MNAT1: variants seen among roughly 807,000 people sequenced by gnomAD.
The protein encoded by MNAT1 is MNAT1 component of CDK activating kinase, also known as CDK-activating kinase assembly factor MAT1.
A neutral mutation model predicts 42.0 loss-of-function variants in MNAT1; 43 were observed. That is an observed-to-expected ratio of 1.02 (90% CI 0.80 to 1.32). MNAT1 has a LOEUF of 1.32. Ranked by LOEUF, MNAT1 falls within the 40% of genes most tolerant of loss-of-function variation. The pLI is 0.00. For missense variants in MNAT1, 306 were observed against 350.4 expected (o/e 0.87, Z 1.01); for synonymous variants, 118 against 120.0 (o/e 0.98, Z 0.11).
intron 1 of MNAT1, among the ~76,000 whole-genome samples, chr14:60,795,500 G>A (rs2031985318): frequency 6.6e-6 from 1 of 152,186 alleles, no homozygotes. Context: ...TGCACTACCA[G>A]AAAAGGGGAT....
chr14:60,898,177 A>G (rs548297289), intron 7 of MNAT1, among the ~76,000 whole-genome samples: 3 of 151,404 alleles, frequency 2.0e-5, no homozygotes, highest in East Asian at 3.9e-4. Context: ...TTGTCCATAG[A>G]TGGATACTTA....
Position 60,924,383 on chromosome 14 carries a change from TAA to T in MNAT1, c.810-43828_810-43827del, listed in dbSNP as rs5809071. Reference sequence around the variant, plus strand: ...GAGCTTTTCAAATTCAGTGCCTGTTTAAAAAAAAAAAAAAAAAAACTGTACTC... The same window carrying T: ...GAGCTTTTCAAATTCAGTGCCTGTTTAAAAAAAAAAAAAAAAACTGTACTC... On this transcript the variant is annotated intron_variant, in intron 7 of 7. Coordinates refer to ENST00000261245, the MANE Select transcript of MNAT1 (RefSeq NM_002431.4). Among the ~76,000 whole-genome samples, 384 of 130,232 alleles carry T rather than the reference TAA, an allele frequency of 2.9e-3. 1 individual carries two copies. Among genetic ancestry groups the T allele is most frequent in the East Asian group, 0.022 (103 of 4,588 alleles). The allele number at this position is 130,232 out of a possible 152,430, so 85.4% of individuals were successfully genotyped here.
intron 7 of MNAT1, among the ~76,000 whole-genome samples, chr14:60,946,868 A>G (rs940629779): frequency 3.9e-5 from 6 of 152,210 alleles, no homozygotes; most frequent in Admixed American, 2.6e-4. Context: ...GGCTTAAACA[A>G]TAGAAGTCTA....
rs1306400327 is a variant in MNAT1, at chr14:60,857,352, A to T, written c.688-22362A>T. Among the ~76,000 whole-genome samples, 757 of 152,320 alleles carry T rather than the reference A, an allele frequency of 5.0e-3. 10 individuals are homozygous for T. Among genetic ancestry groups the T allele is most frequent in the African/African-American group, 0.016 (681 of 41,574 alleles). On this transcript the variant is annotated intron_variant, in intron 6 of 7. Transcript: ENST00000261245. ...AAGAGGTAACTGCAGATGTGGTAGA[A>T]ACAATAAGAGAACTAGAATTAGCAG...
intron 7 of MNAT1, among the ~76,000 whole-genome samples, chr14:60,896,666 T>C (rs2034962901): frequency 6.6e-6 from 1 of 152,074 alleles, no homozygotes. Context: ...TTTGTATTTT[T>C]AGTAGAGACG....
chr14:60,854,076 C>T (rs1024650236), intron 6 of MNAT1, among the ~76,000 whole-genome samples: 20 of 152,170 alleles, frequency 1.3e-4, no homozygotes, highest in South Asian at 2.1e-4. Flanking sequence ...ACCGTTTCTT[C>T]CACTTTACAG....
intron 7 of MNAT1, among the ~76,000 whole-genome samples, chr14:60,966,359 A>G (rs1272120109): frequency 1.3e-5 from 2 of 151,996 alleles, no homozygotes; most frequent in Admixed American, 6.5e-5. Context: ...TCCTCAGGTG[A>G]TCCACCTGCC....
At chr14:60,813,325 G>A (rs1186529131) in intron 5 of MNAT1, among the ~76,000 whole-genome samples, 1 of 152,174 alleles carries the variant, frequency 6.6e-6, no homozygotes, top group African/African-American at 2.4e-5. Context: ...ACTCACCCAC[G>A]TGCTCCCTCC....
intron 7 of MNAT1, among the ~76,000 whole-genome samples, chr14:60,947,968 G>A (rs1363260431): frequency 6.6e-6 from 1 of 152,184 alleles, no homozygotes; most frequent in East Asian, 1.9e-4. Context: ...GTTAAGGCCT[G>A]TAGAGCTGTA....
At chr14:60,822,691 G>A (rs914653274) in intron 6 of MNAT1, among the ~76,000 whole-genome samples, 2 of 151,232 alleles carry the variant, frequency 1.3e-5, no homozygotes, top group Admixed American at 1.3e-4. Context: ...ATCTTGGAAC[G>A]CCTCAGCCTT....
At chr14:60,756,906 C>T (rs929606137) in intron 1 of MNAT1, among the ~76,000 whole-genome samples, 18 of 152,078 alleles carry the variant, frequency 1.2e-4, no homozygotes, top group African/African-American at 3.9e-4. Context: ...ATATTCACTT[C>T]CAGTTTAAGT....
chr14:60,746,923 TACACACACACACACAC>T (rs61278549), intron 1 of MNAT1, among the ~76,000 whole-genome samples: 283 of 25,778 alleles, frequency 0.011, 51 homozygotes, highest in East Asian at 0.033. Flanking sequence ...TATATATATA[TACACACACACACACAC>T]ACACACACAC....
chr14:60,891,314 T>C (rs2034838605), intron 7 of MNAT1, among the ~76,000 whole-genome samples: 1 of 152,122 alleles, frequency 6.6e-6, no homozygotes, highest in Non-Finnish European at 1.5e-5. Flanking sequence ...TTCTCTTTTT[T>C]CTATTCTCTA....
intron 1 of MNAT1, among the ~76,000 whole-genome samples, chr14:60,759,174 TCTG>T (rs1228231014): frequency 6.6e-6 from 1 of 152,196 alleles, no homozygotes; most frequent in Non-Finnish European, 1.5e-5. Flanking sequence ...AAGAAAGAGT[TCTG>T]TTATTAAAGA....
At chr14:60,941,579 G>T (rs546254883) in intron 7 of MNAT1, among the ~76,000 whole-genome samples, 1 of 151,800 alleles carries the variant, frequency 6.6e-6, no homozygotes, top group Non-Finnish European at 1.5e-5. Flanking sequence ...GGTGGTATGC[G>T]CCTATAGTCC....
intron 7 of MNAT1, among the ~76,000 whole-genome samples, chr14:60,916,700 C>G (rs2035522525): frequency 6.6e-6 from 1 of 152,148 alleles, no homozygotes; most frequent in Non-Finnish European, 1.5e-5. Flanking sequence ...GCCTGTAATC[C>G]TAGCACTTTG....
chr14:60,937,775 T>C (rs1480920755), intron 7 of MNAT1, among the ~76,000 whole-genome samples: 1 of 152,120 alleles, frequency 6.6e-6, no homozygotes, highest in Admixed American at 6.5e-5. Flanking sequence ...AGAAAGTCAT[T>C]GGTAGCTTGA....
chr14:60,760,160 T>G (rs2030535241), intron 1 of MNAT1, among the ~76,000 whole-genome samples: 1 of 152,192 alleles, frequency 6.6e-6, no homozygotes, highest in South Asian at 2.1e-4. Context: ...TTATTTGAAA[T>G]TTGCAGAAAT....
chr14:60,887,194 A>C (rs2034695767), intron 7 of MNAT1, among the ~76,000 whole-genome samples: 1 of 106,356 alleles, frequency 9.4e-6, no homozygotes, highest in Non-Finnish European at 2.0e-5. Context: ...GTTGTTACAT[A>C]TCAGAGCTGT....
Sources: gnomAD v4.1 joint callset for allele counts (sites outside exome capture counted in the v4.1 genomes callset) on GRCh38, gnomAD v4.1.1 for gene constraint, MANE v1.5 for transcripts, NCBI Gene and HGNC (gene_info 2026-07-23, HGNC 2026-07-21) for gene names.